PTCHD4: variants seen among roughly 807,000 people sequenced by gnomAD.
The protein encoded by PTCHD4 is patched domain-containing protein 4.
Under a neutral mutation model 58.1 loss-of-function variants are expected in PTCHD4, and 33 were observed. That is an observed-to-expected ratio of 0.57 (90% CI 0.43 to 0.76). PTCHD4 has a LOEUF of 0.76. Ranked by LOEUF, PTCHD4 falls within the 30% of genes least tolerant of loss-of-function variation. PTCHD4 has a pLI of 0.00. For missense variants in PTCHD4, 1,058 were observed against 1,027.1 expected (o/e 1.03, Z -0.41); for synonymous variants, 478 against 409.6 (o/e 1.17, Z -2.02).
chr6:48,037,059 A>C (rs923496832), intron 3 of PTCHD4, among the ~76,000 whole-genome samples: 4 of 152,130 alleles, frequency 2.6e-5, no homozygotes, highest in African/African-American at 9.7e-5. Context: ...AGGAATACAG[A>C]AGATCAGTAG....
intron 1 of PTCHD4, among the ~76,000 whole-genome samples, chr6:48,085,717 G>A (rs1473048664): frequency 1.3e-5 from 2 of 152,180 alleles, no homozygotes; most frequent in Non-Finnish European, 2.9e-5. Context: ...GTGAGCTGCT[G>A]AGAAATTTAG....
At chr6:48,052,278 T>G (rs1376447173) in intron 3 of PTCHD4, among the ~76,000 whole-genome samples, 1 of 151,926 alleles carries the variant, frequency 6.6e-6, no homozygotes, top group Admixed American at 6.6e-5. Flanking sequence ...GTGTGAGAGA[T>G]TTTTAGTCAG....
At chr6:47,899,443 A>G (rs1764628794) in intron 4 of PTCHD4, among the ~76,000 whole-genome samples, 1 of 152,220 alleles carries the variant, frequency 6.6e-6, no homozygotes, top group Admixed American at 6.5e-5. Flanking sequence ...TCCATAACAT[A>G]GGTGGAATGT....
In PTCHD4 at chr6:48,059,306, A is replaced by G. The variant is rs535153766; in HGVS notation, c.417+8924T>C. On this transcript the variant is annotated intron_variant, in intron 3 of 4. Transcript: ENST00000339488. ...TATGAGCTGATTTAATACACTCAAT[A>G]CTGTAAGGTAAGGGCTATTATGAGG... 1.1e-4 allele frequency among the ~76,000 whole-genome samples: 16 copies of G among 152,304 alleles called. No individual in the cohort carries two copies. The South Asian group carries it at 2.9e-3, about 28-fold the overall frequency.
chr6:47,922,868 A>G (rs1281132339), intron 4 of PTCHD4, among the ~76,000 whole-genome samples: 1 of 152,178 alleles, frequency 6.6e-6, no homozygotes, highest in Non-Finnish European at 1.5e-5. Flanking sequence ...CTGGTTCCCA[A>G]TTACTGCTCA....
intron 3 of PTCHD4, among the ~76,000 whole-genome samples, chr6:48,046,885 T>C (rs558676135): frequency 6.6e-6 from 1 of 151,982 alleles, no homozygotes; most frequent in East Asian, 1.9e-4. Context: ...AAGCTATAAG[T>C]AGATCAGGTT....
At chr6:47,966,586 A>G (rs1767305265) in intron 4 of PTCHD4, among the ~76,000 whole-genome samples, 1 of 152,226 alleles carries the variant, frequency 6.6e-6, no homozygotes, top group Non-Finnish European at 1.5e-5. Flanking sequence ...TTTTCCCCAC[A>G]GTAGAAGTTC....
chr6:47,981,969 T>G (rs1200773094), intron 4 of PTCHD4, among the ~76,000 whole-genome samples: 1 of 152,182 alleles, frequency 6.6e-6, no homozygotes, highest in African/African-American at 2.4e-5. Flanking sequence ...TCTTGGGACA[T>G]TCCTCTGACT....
chr6:47,957,181 A>T (rs1420202459), intron 4 of PTCHD4, among the ~76,000 whole-genome samples: 2 of 149,678 alleles, frequency 1.3e-5, no homozygotes, highest in Admixed American at 6.7e-5. Flanking sequence ...AAAAAAAAAA[A>T]CCTTGCCTTT....
chr6:48,014,657 C>T (rs1762805873), intron 3 of PTCHD4, among the ~76,000 whole-genome samples: 2 of 152,004 alleles, frequency 1.3e-5, no homozygotes, highest in African/African-American at 4.8e-5. Flanking sequence ...AAATACAATG[C>T]ATAAAGTTTC....
intron 4 of PTCHD4, among the ~76,000 whole-genome samples, chr6:47,966,467 T>C (rs1356469475): frequency 6.6e-6 from 1 of 152,200 alleles, no homozygotes; most frequent in Non-Finnish European, 1.5e-5. Context: ...GCTTGGTGGT[T>C]GTGGAAGATT....
chr6:48,011,999 G>T (rs913091175), intron 3 of PTCHD4, among the ~76,000 whole-genome samples: 4 of 152,146 alleles, frequency 2.6e-5, no homozygotes, highest in African/African-American at 7.2e-5. Flanking sequence ...TTGAAGTCAG[G>T]TAGCGTGATG....
rs74387140 is a variant in PTCHD4 at position 47,871,020 on chromosome 6, A to G, written c.*7283T>C. 0.049 allele frequency among the ~76,000 whole-genome samples: 7,503 copies of G among 151,656 alleles called. 255 individuals are homozygous for G. Among genetic ancestry groups the G allele is most frequent in the African/African-American group, 0.066 (2,720 of 41,452 alleles). On this transcript the variant is annotated 3_prime_UTR_variant, in exon 5 of 5. Coordinates refer to ENST00000339488, the MANE Select transcript of PTCHD4 (RefSeq NM_001384253.1). ...ACATCAAAGTTTCATAATTTCATAC[A>G]TTTAGTCACCCTTCTTTGCTGTAGA...
At chr6:47,991,531 G>C (rs1581983855) in intron 4 of PTCHD4, among the ~76,000 whole-genome samples, 1 of 152,032 alleles carries the variant, frequency 6.6e-6, no homozygotes, top group Non-Finnish European at 1.5e-5. Flanking sequence ...AGAAGAAATA[G>C]CAATTGTTAA....
chr6:47,901,652 T>C (rs1764708074), intron 4 of PTCHD4: 1 of 1,133,836 alleles, frequency 8.8e-7, no homozygotes, highest in Admixed American at 4.0e-5. Context: ...CACACAGCTG[T>C]TAAGCACAGG....
Position 47,878,579 on chromosome 6 carries a change from A to G in PTCHD4, c.2256T>C (p.His752=). 2 of 1,613,616 alleles carry G rather than the reference A, an allele frequency of 1.2e-6. No homozygotes were observed. The highest frequency in any genetic ancestry group is 1.7e-6 in the Non-Finnish European group (2 of 1,179,744). The change falls in exon 5 of 5, where the codon CAT becomes CAC. Residue 752 remains histidine (H), a synonymous_variant. Coordinates refer to ENST00000339488, the MANE Select transcript of PTCHD4 (RefSeq NM_001384253.1). ...TQCIKSSLQD[H]GTAILQNVTS... ...TAACATTTTGCAAAATGGCTGTCCC[A>G]TGGTCTTGCAAGGAGCTTTTTATAC...
At chr6:47,950,025 T>C (rs1561973406) in intron 4 of PTCHD4, among the ~76,000 whole-genome samples, 1 of 146,894 alleles carries the variant, frequency 6.8e-6, no homozygotes, top group Non-Finnish European at 1.5e-5. Context: ...TGCTATCTCT[T>C]CCCCCTCCCC....
intron 4 of PTCHD4, among the ~76,000 whole-genome samples, chr6:47,996,109 A>G (rs1768476236): frequency 1.3e-5 from 2 of 152,068 alleles, no homozygotes; most frequent in South Asian, 4.1e-4. Context: ...GTAATTTTTT[A>G]TTCAAACTAA....
intron 4 of PTCHD4, chr6:47,901,468 A>G: frequency 1.0e-6 from 1 of 981,054 alleles, no homozygotes; most frequent in South Asian, 4.7e-5. Flanking sequence ...TTATTTATAA[A>G]TTACAGCACA....
Sources: gnomAD v4.1 joint callset for allele counts (sites outside exome capture counted in the v4.1 genomes callset) on GRCh38, gnomAD v4.1.1 for gene constraint, MANE v1.5 for transcripts, NCBI Gene and HGNC (gene_info 2026-07-23, HGNC 2026-07-21) for gene names.